DNAH12: variants seen among roughly 807,000 people sequenced by gnomAD.
The protein encoded by DNAH12 is axonemal beta dynein heavy chain 12.
In DNAH12, 285 loss-of-function variants were observed where a neutral mutation model predicts 371.5. The observed-to-expected ratio is 0.77, with a 90% CI of 0.70 to 0.85. DNAH12 has a LOEUF of 0.85. Among genes scored for constraint, DNAH12 ranks in the 40% least tolerant of loss-of-function variants. DNAH12 has a pLI of 0.00. For synonymous variants in DNAH12, 1,200 were observed against 1,213.0 expected (o/e 0.99, Z 0.22); for missense variants, 3,611 against 3,689.4 (o/e 0.98, Z 0.55).
intron 28 of DNAH12, 37 bp from the exon 29 acceptor site, chr3:57,444,853 G>A: frequency 6.6e-7 from 1 of 1,524,246 alleles, no homozygotes; most frequent in Non-Finnish European, 8.8e-7. Flanking sequence ...TAAGTTAGTT[G>A]CCAGCAATTG....
At position 57,507,782 on chromosome 3, in the gene DNAH12, C is replaced by G. The variant is rs1280697471; in HGVS notation, c.758G>C (p.Arg253Thr). 1.2e-6 allele frequency: 2 copies of G among 1,607,304 alleles called. No homozygotes were observed. The change falls in exon 8 of 74, where the codon AGA (arginine) becomes ACA (threonine). Residue 253 changes from arginine (R) to threonine (T), a missense_variant. Coordinates refer to ENST00000495027, the MANE Select transcript of DNAH12 (RefSeq NM_001366028.2). ...ATTCATTATCTTCTCTTCTGCGTTTCTAGTTTGTATTGATAGATCAGTTTT... is the reference window on the plus strand; with the variant it reads ...ATTCATTATCTTCTCTTCTGCGTTTGTAGTTTGTATTGATAGATCAGTTTT... Reference protein sequence around the residue: ...SLKTDLSIQTRNAEEKIMNTW... With the variant: ...SLKTDLSIQTTNAEEKIMNTW...
At chr3:57,487,406 A>AAG (rs1472794010) in intron 12 of DNAH12, among the ~76,000 whole-genome samples, 8 of 96,500 alleles carry the variant, frequency 8.3e-5, no homozygotes, top group South Asian at 8.7e-4. Context: ...AAAGAAAGAA[A>AAG]AAAAAGAAAA....
intron 32 of DNAH12, among the ~76,000 whole-genome samples, chr3:57,431,857 T>C (rs1030014305): frequency 1.3e-5 from 2 of 152,170 alleles, no homozygotes; most frequent in African/African-American, 2.4e-5. Flanking sequence ...TCTTCTTTTA[T>C]CCTCAATTTT....
At chr3:57,341,551 C>A (rs925709030) in intron 60 of DNAH12, among the ~76,000 whole-genome samples, 2 of 151,850 alleles carry the variant, frequency 1.3e-5, no homozygotes, top group African/African-American at 4.8e-5. Context: ...GAGGTGAAGG[C>A]TCTCTACAAG....
rs1373984333 is a variant in DNAH12 at position 57,413,809 on chromosome 3, A to G, written c.5957T>C (p.Leu1986Ser). The change falls in exon 39 of 74, where the codon TTG becomes TCG. Residue 1986 changes from leucine (L) to serine (S), a missense_variant. Leu to Ser is a moderately radical substitution (Grantham distance 145). This residue lies in a region of DNAH12 where 2,266 missense variants were observed against 2,236.9 expected (regional missense o/e 1.01). Transcript: ENST00000495027. ...IFIDDMNMPA[L>S]EKYGAQPPIE... ...AGGTGGTTGAGCTCCATACTTCTCC[A>G]ATGCAGGCATATTCATATCATCTAT... The G allele has an allele frequency of 1.3e-6, 2 of 1,551,174 alleles. No homozygotes were observed. The highest frequency in any genetic ancestry group is 1.7e-6 in the Non-Finnish European group (2 of 1,146,780).
At chr3:57,302,529 G>GTTTTTATATATATATATATATATA (rs879293648) in intron 69 of DNAH12, among the ~76,000 whole-genome samples, 7 of 47,856 alleles carry the variant, frequency 1.5e-4, no homozygotes, top group African/African-American at 4.2e-4. Context: ...GGCATCAGGT[G>GTTTTTATATATATATATATATATA]TATATATATA....
chr3:57,503,443 C>T (rs568253833), intron 9 of DNAH12, among the ~76,000 whole-genome samples: 13 of 149,424 alleles, frequency 8.7e-5, no homozygotes, highest in African/African-American at 3.2e-4. Context: ...GGCTGGAGTG[C>T]AGTGGGGTGA....
intron 25 of DNAH12, among the ~76,000 whole-genome samples, chr3:57,449,278 C>T (rs1200959317): frequency 6.6e-6 from 1 of 152,340 alleles, no homozygotes. Flanking sequence ...GCCCGGCTGG[C>T]TTCACCTAGT....
the DNAH12 span, among the ~76,000 whole-genome samples, chr3:57,549,521 T>G: frequency 6.6e-6 from 1 of 152,076 alleles, no homozygotes; most frequent in East Asian, 1.9e-4. Flanking sequence ...AAAAAATTTT[T>G]TTAAAAATTG....
intron 45 of DNAH12, among the ~76,000 whole-genome samples, chr3:57,390,498 G>A (rs1490248248): frequency 8.9e-6 from 1 of 112,508 alleles, no homozygotes; most frequent in Non-Finnish European, 2.0e-5. Flanking sequence ...GCTACATGGA[G>A]GGTGATTTCC....
chr3:57,429,344 T>C (rs1004533759), intron 33 of DNAH12, among the ~76,000 whole-genome samples: 6 of 152,048 alleles, frequency 3.9e-5, no homozygotes, highest in African/African-American at 9.7e-5. Flanking sequence ...GCCTGGCTAA[T>C]TGTGTATTTT....
At chr3:57,458,796 A>T (rs1175594569) in intron 20 of DNAH12, among the ~76,000 whole-genome samples, 1 of 152,234 alleles carries the variant, frequency 6.6e-6, no homozygotes, top group East Asian at 1.9e-4. Flanking sequence ...CAACGACAAC[A>T]GAATTGAGTA....
chr3:57,333,249 T>TCCAC (rs965908082), intron 62 of DNAH12, among the ~76,000 whole-genome samples: 1 of 151,010 alleles, frequency 6.6e-6, no homozygotes, highest in African/African-American at 2.4e-5. Context: ...GACCTAGCGA[T>TCCAC]CCACCCACCT....
upstream of DNAH12, among the ~76,000 whole-genome samples, chr3:57,548,328 A>C (rs1046825241): frequency 6.6e-6 from 1 of 152,208 alleles, no homozygotes; most frequent in Non-Finnish European, 1.5e-5. Context: ...ACCTAAGGTT[A>C]GTTTGAGGCC....
At position 57,431,219 on chromosome 3, in the gene DNAH12, T is replaced by G. The variant is rs539465279; in HGVS notation, c.4981-1445A>C. ...CTATTCCACCCCCAGTGACAACCCC[T>G]GTTTTTTCCCTGCCACTCAACAGTA... On this transcript the variant is annotated intron_variant, in intron 32 of 73. Transcript: ENST00000495027. Among the ~76,000 whole-genome samples, 4 of 100,776 alleles carry G rather than the reference T, an allele frequency of 4.0e-5. No individual in the cohort carries two copies. In the East Asian group the frequency reaches 5.8e-4, roughly 15 times the overall value. 66.1% of individuals were successfully genotyped at this position (100,776 alleles called of 152,430 possible). A position where few individuals can be genotyped will look rare whatever the true frequency, so the allele number is the denominator to read the frequency against.
Position 57,470,574 on chromosome 3 carries a change from A to G in DNAH12, c.1974T>C (p.Phe658=), listed in dbSNP as rs971421285. Residue 658 remains phenylalanine, a synonymous_variant, in exon 16 of 74, where the codon TTT becomes TTC. Coordinates refer to ENST00000495027, the MANE Select transcript of DNAH12 (RefSeq NM_001366028.2). ...RIQESEEAVQ[F]INKEEELFKW... Reference sequence around the variant, plus strand: ...TGAAAAGTTCCTCTTCTTTATTAATAAACTGCACTGCTTCTTCAGATTCCT... The same window carrying G: ...TGAAAAGTTCCTCTTCTTTATTAATGAACTGCACTGCTTCTTCAGATTCCT... 4.5e-6 allele frequency: 7 copies of G among 1,549,618 alleles called. No homozygotes were observed. The African/African-American group carries it at 6.9e-5, about 15-fold the overall frequency.
intron 2 of DNAH12, among the ~76,000 whole-genome samples, chr3:57,526,007 C>T (rs1409082452): frequency 6.6e-6 from 1 of 152,058 alleles, no homozygotes; most frequent in Admixed American, 6.6e-5. Context: ...AAGTGATCCA[C>T]CTGCCTCGGC....
chr3:57,381,170 T>C lies in DNAH12; in HGVS notation c.7993-803A>G, dbSNP rs1235542040. Among the ~76,000 whole-genome samples the C allele has an allele frequency of 2.0e-5, 3 of 152,232 alleles. No individual in the cohort carries two copies. In the East Asian group the frequency reaches 5.8e-4, roughly 29 times the overall value. On this transcript the variant is annotated intron_variant, in intron 50 of 73. Transcript: ENST00000495027. ...AGGGTAAAAGCACATGCTACATATA[T>C]TGGCAAAAGAGCTGAAATAACCAGC...
chr3:57,453,237 A>G lies in DNAH12; in HGVS notation c.3613+10T>C. 1 of 1,519,312 alleles carries G rather than the reference A, an allele frequency of 6.6e-7. No individual in the cohort carries two copies. Among genetic ancestry groups the G allele is most frequent in the South Asian group, 1.3e-5 (1 of 76,992 alleles). 94.1% of individuals were successfully genotyped at this position (1,519,312 alleles called of 1,614,324 possible). On this transcript the variant is annotated intron_variant, in intron 24 of 73. Transcript: ENST00000495027. ...TTTTATCTTTAAAAATTAAAGAAAA[A>G]GTCACATACCCATTTTAATCATGTC...
Sources: gnomAD v4.1 joint callset for allele counts (sites outside exome capture counted in the v4.1 genomes callset) on GRCh38, gnomAD v4.1.1 for gene constraint, gnomAD v4.1.1 regional missense constraint, MANE v1.5 for transcripts, NCBI Gene and HGNC (gene_info 2026-07-23, HGNC 2026-07-21) for gene names.